Variants in SANBR observed in about 807,000 individuals in gnomAD.
SANBR encodes SANT and BTB domain regulator of CSR, also known as SANT and BTB domain regulator of class switch recombination.
In SANBR, 77 loss-of-function variants were observed where a neutral mutation model predicts 101.8. The observed-to-expected ratio is 0.76, with a 90% CI of 0.63 to 0.91. The LOEUF (loss-of-function observed/expected upper bound fraction) is 0.91. Among genes scored for constraint, SANBR ranks in the 40% least tolerant of loss-of-function variants. The pLI is 0.00. For synonymous variants in SANBR, 279 were observed against 274.7 expected (o/e 1.02, Z -0.15); for missense variants, 875 against 853.0 (o/e 1.03, Z -0.32).
At chr2:61,133,451 C>A (rs926692360) in intron 20 of SANBR, among the ~76,000 whole-genome samples, 4 of 151,330 alleles carry the variant, frequency 2.6e-5, no homozygotes, top group African/African-American at 9.7e-5. Flanking sequence ...ATGTGAATTT[C>A]ACTTTCAATA....
chr2:61,073,420 C>T, intron 4 of SANBR, 38 bp from the exon 5 acceptor site: 1 of 1,044,486 alleles, frequency 9.6e-7, no homozygotes, highest in South Asian at 1.6e-5. Context: ...CTAACCCCCA[C>T]CTTTTTTTTT....
chr2:61,103,847 TG>T lies in SANBR; in HGVS notation c.1366-5del. 2 of 1,613,656 alleles carry T rather than the reference TG, an allele frequency of 1.2e-6. No homozygotes were observed. On this transcript the variant is annotated splice_polypyrimidine_tract_variant and splice_region_variant and intron_variant, in intron 12 of 21. Coordinates refer to ENST00000402291, the MANE Select transcript of SANBR (RefSeq NM_001129993.3). ...AACCTCTAATTTATTGTCTCTTATGTGACAGGGCTGTAAAGTGAGGGACCAC... is the reference window on the plus strand; with the variant it reads ...AACCTCTAATTTATTGTCTCTTATGTACAGGGCTGTAAAGTGAGGGACCAC...
chr2:61,074,983 A>C (rs1479066580), intron 5 of SANBR: 1 of 149,410 alleles, frequency 6.7e-6, no homozygotes, highest in Non-Finnish European at 1.5e-5. Context: ...TTTTTTTTAG[A>C]GACGTGGTCT....
At chr2:61,132,235 A>G (rs1179120998) in intron 20 of SANBR, among the ~76,000 whole-genome samples, 1 of 152,268 alleles carries the variant, frequency 6.6e-6, no homozygotes, top group Non-Finnish European at 1.5e-5. Flanking sequence ...GATAGCTTAC[A>G]GAATGTGAGA....
At position 61,118,091 on chromosome 2, in the gene SANBR, G is replaced by A. The variant is rs779507118; in HGVS notation, c.2003G>A (p.Arg668Gln). The A allele has an allele frequency of 4.9e-5, 79 of 1,613,318 alleles. No individual in the cohort carries two copies. The highest frequency in any genetic ancestry group is 4.6e-4 in the South Asian group (42 of 90,980). The change falls in exon 20 of 22, where the codon CGA becomes CAA. Residue 668 changes from arginine (R) to glutamine (Q), a missense_variant. Physicochemically the swap from Arg to Gln is conservative, Grantham distance 43 (BLOSUM62 1). Transcript: ENST00000402291. ...LIKMRLGDLD[R>Q]VKSKEAKEFA... ...AAAATGAGATTGGGGGATCTGGACCGAGTCAAGTCAAAGGAAGCAAAAGAA... is the reference window on the plus strand; with the variant it reads ...AAAATGAGATTGGGGGATCTGGACCAAGTCAAGTCAAAGGAAGCAAAAGAA...
chr2:61,117,109 T>C lies in SANBR; in HGVS notation c.1837-248T>C, dbSNP rs1684112332. The C allele has an allele frequency of 6.0e-6, 3 of 499,300 alleles. No homozygotes were observed. In the South Asian group the frequency reaches 8.5e-5, roughly 14 times the overall value. The allele number at this position is 499,300 out of a possible 1,614,324, so 30.9% of individuals were successfully genotyped here. On this transcript the variant is annotated intron_variant, in intron 17 of 21. Coordinates refer to ENST00000402291, the MANE Select transcript of SANBR (RefSeq NM_001129993.3). ...GGATTCCAAGGTTAACAAATGAAGC[T>C]GGATTCAAATTCTAGGTCTGTATCT... is the stretch of plus-strand genomic sequence containing the variant.
intron 10 of SANBR, among the ~76,000 whole-genome samples, chr2:61,089,898 T>C (rs2104896234): frequency 6.6e-6 from 1 of 151,954 alleles, no homozygotes; most frequent in South Asian, 2.1e-4. Context: ...GCTCAAGAGA[T>C]CTTCTTGCCT....
At chr2:61,116,616 T>C (rs1268342905) in intron 17 of SANBR, among the ~76,000 whole-genome samples, 1 of 152,124 alleles carries the variant, frequency 6.6e-6, no homozygotes, top group Non-Finnish European at 1.5e-5. Flanking sequence ...TAACCACCAT[T>C]GGCTAAAAGA....
chr2:61,074,784 A>C (rs150407200), intron 5 of SANBR, among the ~76,000 whole-genome samples: 10 of 152,258 alleles, frequency 6.6e-5, no homozygotes, highest in African/African-American at 2.4e-4. Flanking sequence ...AAATAATCTA[A>C]TATTTTATAC....
chr2:61,124,036 G>A lies in SANBR; in HGVS notation c.*1874G>A. On this transcript the variant is annotated 3_prime_UTR_variant, in exon 22 of 22. Transcript: ENST00000402291. ...TTGAACCCGGGTGGCAGAGGTTGCA[G>A]TGAGCTGAGATCATGTTTCTGCGCT... 3.5e-6 allele frequency: 2 copies of A among 565,642 alleles called. No individual in the cohort carries two copies. The highest frequency in any genetic ancestry group is 4.5e-6 in the Non-Finnish European group (2 of 446,702). 35.0% of individuals were successfully genotyped at this position (565,642 alleles called of 1,614,324 possible).
intron 12 of SANBR, among the ~76,000 whole-genome samples, chr2:61,103,133 CTTTCTTTTTT>C (rs1307014153): frequency 6.9e-6 from 1 of 145,132 alleles, no homozygotes; most frequent in Non-Finnish European, 1.5e-5. Context: ...CATAATTTTT[CTTTCTTTTTT>C]TTTTTTTTTT....
chr2:61,122,487 A>G lies in SANBR; in HGVS notation c.*325A>G. The stretch of plus-strand genomic sequence containing the variant: ...GAAAGGCCTAAACTGTCAGGTAGCC[A>G]AGTTTTTTTAAGACCTTAAAAGTTA... On this transcript the variant is annotated 3_prime_UTR_variant, in exon 22 of 22. Coordinates refer to ENST00000402291, the MANE Select transcript of SANBR (RefSeq NM_001129993.3). 1 of 1,043,618 alleles carries G rather than the reference A, an allele frequency of 9.6e-7. No individual in the cohort carries two copies. The highest frequency in any genetic ancestry group is 1.2e-6 in the Non-Finnish European group (1 of 868,420). 64.6% of individuals were successfully genotyped at this position (1,043,618 alleles called of 1,614,324 possible).
chr2:61,115,808 T>C, intron 16 of SANBR, 171 bp from the exon 17 acceptor site: 1 of 488,356 alleles, frequency 2.0e-6, no homozygotes, highest in Non-Finnish European at 3.7e-6. Flanking sequence ...TATGAACCCC[T>C]GTAAAGCAAT....
intron 11 of SANBR, among the ~76,000 whole-genome samples, chr2:61,096,245 G>A (rs545243327): frequency 6.6e-6 from 1 of 152,106 alleles, no homozygotes; most frequent in East Asian, 1.9e-4. Context: ...GGTGCCCCCT[G>A]CACAGGCCCA....
intron 10 of SANBR, 199 bp downstream of exon 10, chr2:61,088,667 T>C (rs1682584853): frequency 2.9e-6 from 1 of 340,394 alleles, no homozygotes; most frequent in South Asian, 8.0e-5. Context: ...ACTACAGGCG[T>C]GTGCCACCAC....
At chr2:61,088,096 G>A in intron 8 of SANBR, 63 bp from the exon 9 acceptor site, 1 of 853,468 alleles carries the variant, frequency 1.2e-6, no homozygotes, top group Non-Finnish European at 1.8e-6. Flanking sequence ...AGATTGGTTT[G>A]TTTATTTTCA....
chr2:61,113,408 A>G (rs1030904358), intron 16 of SANBR, among the ~76,000 whole-genome samples: 2 of 152,162 alleles, frequency 1.3e-5, no homozygotes, highest in Non-Finnish European at 2.9e-5. Flanking sequence ...CCATATACCA[A>G]TTTGGGGTGA....
chr2:61,133,578 C>CAA (rs1684754315), intron 20 of SANBR, among the ~76,000 whole-genome samples: 2 of 151,870 alleles, frequency 1.3e-5, no homozygotes, highest in African/African-American at 2.4e-5. Flanking sequence ...CATACCGAGA[C>CAA]CCTATCTCTA....
downstream of SANBR, among the ~76,000 whole-genome samples, chr2:61,126,822 AC>A: frequency 6.6e-6 from 1 of 150,738 alleles, no homozygotes; most frequent in East Asian, 1.9e-4. Context: ...TACATGGCCT[AC>A]CCCCTGGCTG....
Sources: allele counts gnomAD v4.1 joint callset (sites outside exome capture counted in the v4.1 genomes callset), GRCh38; gene constraint gnomAD v4.1.1; transcripts MANE v1.5; gene names NCBI Gene and HGNC (gene_info 2026-07-23, HGNC 2026-07-21).